Variants in MALRD1 observed in about 807,000 individuals in gnomAD.
The protein encoded by MALRD1 is MAM and LDL receptor class A domain containing 1.
MALRD1 carries 247 observed loss-of-function variants against 242.1 expected under a neutral mutation model. That is an observed-to-expected ratio of 1.02 (90% CI 0.92 to 1.13). MALRD1 has a LOEUF of 1.13. MALRD1 is among the 50% of genes most tolerant of loss of function. The pLI, the probability that MALRD1 is intolerant of heterozygous loss-of-function variation, is 0.00. For synonymous variants in MALRD1, 995 were observed against 866.6 expected (o/e 1.15, Z -2.60); for missense variants, 2,989 against 2,533.1 (o/e 1.18, Z -3.86).
chr10:19,336,505 A>G (rs1456744035), intron 24 of MALRD1, among the ~76,000 whole-genome samples: 1 of 152,172 alleles, frequency 6.6e-6, no homozygotes, highest in African/African-American at 2.4e-5. Flanking sequence ...AAAAAGGGTT[A>G]TAATTTTAAG....
chr10:19,109,505 G>A (rs1255489489), intron 5 of MALRD1, among the ~76,000 whole-genome samples: 1 of 152,184 alleles, frequency 6.6e-6, no homozygotes, highest in Non-Finnish European at 1.5e-5. Flanking sequence ...TTGGCCACCG[G>A]GGTTGCAGCA....
intron 24 of MALRD1, among the ~76,000 whole-genome samples, chr10:19,341,500 ATGTATATATATGTGTGTATATATG>A (rs1843864992): frequency 1.4e-5 from 2 of 142,874 alleles, no homozygotes; most frequent in Non-Finnish European, 1.5e-5. Flanking sequence ...ATATGTATAT[ATGTATATATATGTGTGTATATATG>A]TATATATATA....
At chr10:19,299,105 T>C (rs1215334015) in intron 21 of MALRD1, among the ~76,000 whole-genome samples, 1 of 151,962 alleles carries the variant, frequency 6.6e-6, no homozygotes, top group Non-Finnish European at 1.5e-5. Flanking sequence ...GAATGCATTA[T>C]TGAATGAAAA....
chr10:19,308,434 A>G (rs1192253648), intron 21 of MALRD1, among the ~76,000 whole-genome samples: 1 of 151,568 alleles, frequency 6.6e-6, no homozygotes, highest in African/African-American at 2.4e-5. Context: ...ATATCCAGAA[A>G]TAGAAAAAGA....
chr10:19,552,290 G>A (rs554168939), intron 32 of MALRD1, among the ~76,000 whole-genome samples: 1 of 152,008 alleles, frequency 6.6e-6, no homozygotes, highest in South Asian at 2.1e-4. Context: ...CCTGTTCAGG[G>A]ATTCAATTTC....
At chr10:19,088,490 C>T (rs977842481) in intron 4 of MALRD1, among the ~76,000 whole-genome samples, 1 of 149,500 alleles carries the variant, frequency 6.7e-6, no homozygotes, top group Non-Finnish European at 1.5e-5. Context: ...GAACCCCCTC[C>T]ATTTTCCTCT....
intron 29 of MALRD1, among the ~76,000 whole-genome samples, chr10:19,466,897 C>T (rs1836241457): frequency 6.6e-6 from 1 of 152,064 alleles, no homozygotes. Flanking sequence ...TCACTGACGT[C>T]ATAACTCCGT....
At chr10:19,402,262 C>T (rs1191588683) in intron 28 of MALRD1, among the ~76,000 whole-genome samples, 1 of 152,152 alleles carries the variant, frequency 6.6e-6, no homozygotes, top group Non-Finnish European at 1.5e-5. Flanking sequence ...CCATCATGGG[C>T]AACGTAGCAA....
At chr10:19,335,824 C>G (rs538424558) in intron 24 of MALRD1, among the ~76,000 whole-genome samples, 41 of 152,080 alleles carry the variant, frequency 2.7e-4, no homozygotes, top group African/African-American at 9.6e-4. Context: ...TATTATTATA[C>G]TTTAAGTTCT....
chr10:19,167,440 G>A (rs960589686), intron 13 of MALRD1, among the ~76,000 whole-genome samples: 1 of 152,244 alleles, frequency 6.6e-6, no homozygotes, highest in African/African-American at 2.4e-5. Context: ...GGGGTGTGAG[G>A]ATAATAGTTG....
intron 14 of MALRD1, 74 bp from the exon 15 acceptor site, chr10:19,203,654 A>G (rs1836651998): frequency 7.2e-7 from 1 of 1,395,478 alleles, no homozygotes; most frequent in Non-Finnish European, 9.5e-7. Flanking sequence ...GGTGAATTCT[A>G]TTTGAGCTCT....
At chr10:19,545,317 T>C (rs1052265143) in intron 32 of MALRD1, among the ~76,000 whole-genome samples, 3 of 152,194 alleles carry the variant, frequency 2.0e-5, no homozygotes, top group Non-Finnish European at 2.9e-5. Context: ...CTGCAACATA[T>C]GAACTTTAGG....
At chr10:19,155,023 C>A in intron 11 of MALRD1, 52 bp from the exon 12 acceptor site, 3 of 1,005,418 alleles carry the variant, frequency 3.0e-6, no homozygotes, top group African/African-American at 3.3e-5. Flanking sequence ...CAAAGAACAG[C>A]TAAGTGTGTA....
intron 29 of MALRD1, among the ~76,000 whole-genome samples, chr10:19,463,382 GCA>G (rs1836042965): frequency 1.7e-4 from 1 of 5,716 alleles, no homozygotes; most frequent in African/African-American, 3.8e-4. Context: ...ATGATACAAT[GCA>G]TCCTCTGCAT....
chr10:19,369,940 A>G (rs1005450044), intron 26 of MALRD1, among the ~76,000 whole-genome samples: 13 of 152,094 alleles, frequency 8.5e-5, no homozygotes, highest in Non-Finnish European at 1.6e-4. Context: ...ACCTTTTTCT[A>G]TAATGGTTGC....
chr10:19,682,339 A>G (rs192518436), intron 36 of MALRD1, among the ~76,000 whole-genome samples: 14 of 152,342 alleles, frequency 9.2e-5, no homozygotes, highest in Admixed American at 9.1e-4. Context: ...TACCAGGCAC[A>G]CTCAGAAATA....
chr10:19,457,382 G>A (rs191173306), intron 29 of MALRD1, among the ~76,000 whole-genome samples: 72 of 152,106 alleles, frequency 4.7e-4, no homozygotes, highest in Non-Finnish European at 9.1e-4. Context: ...GGTTTATTAC[G>A]TACAGATAGG....
At chr10:19,373,781 C>G (rs1042663824) in intron 26 of MALRD1, among the ~76,000 whole-genome samples, 2 of 152,136 alleles carry the variant, frequency 1.3e-5, no homozygotes, top group African/African-American at 4.8e-5. Flanking sequence ...AACCAAGAAG[C>G]TTTGACAGTT....
intron 35 of MALRD1, among the ~76,000 whole-genome samples, chr10:19,613,031 T>C (rs530989850): frequency 6.6e-6 from 1 of 151,516 alleles, no homozygotes; most frequent in African/African-American, 2.4e-5. Context: ...ACATAAAATT[T>C]CTAGTTCTCT....
Sources: allele counts gnomAD v4.1 joint callset (sites outside exome capture counted in the v4.1 genomes callset), GRCh38; gene constraint gnomAD v4.1.1; transcripts MANE v1.5; gene names NCBI Gene and HGNC (gene_info 2026-07-23, HGNC 2026-07-21).